FAXC: variants seen among roughly 807,000 people sequenced by gnomAD.
FAXC encodes failed axon connections homolog.
A neutral mutation model predicts 41.9 loss-of-function variants in FAXC; 10 were observed. The ratio of observed to expected loss-of-function variants is 0.24; its 90% confidence interval spans 0.15 to 0.41. The LOEUF (loss-of-function observed/expected upper bound fraction) is 0.41, where lower values mean the gene tolerates loss of function less well. Ranked by LOEUF, FAXC falls within the 10% of genes least tolerant of loss-of-function variation. The probability of loss-of-function intolerance (pLI) is 1.00; values close to 1 mark genes in which losing one functional copy is unlikely to be tolerated. For missense variants in FAXC, 399 were observed against 510.9 expected (o/e 0.78, Z 2.11); for synonymous variants, 183 against 183.8 (o/e 1.00, Z 0.03).
At chr6:99,285,698 G>A (rs1771005876) in intron 5 of FAXC, among the ~76,000 whole-genome samples, 1 of 152,138 alleles carries the variant, frequency 6.6e-6, no homozygotes, top group Non-Finnish European at 1.5e-5. Context: ...AAGAAACAAA[G>A]TGATATTCTC....
intron 2 of FAXC, among the ~76,000 whole-genome samples, chr6:99,339,730 T>C (rs72917312): frequency 0.12 from 17,649 of 151,748 alleles, 1,589 homozygotes; most frequent in East Asian, 0.28. Context: ...CAAACACACA[T>C]AGAGCAATGC....
intron 5 of FAXC, among the ~76,000 whole-genome samples, chr6:99,288,859 T>TACACACACACACACACACACACACACAC (rs55895848): frequency 7.5e-5 from 11 of 145,852 alleles, no homozygotes; most frequent in East Asian, 6.1e-4. Context: ...CACACACACA[T>TACACACACACACACACACACACACACAC]ACACACACAC....
At chr6:99,344,465 C>G (rs1017928806) in intron 1 of FAXC, among the ~76,000 whole-genome samples, 1 of 152,150 alleles carries the variant, frequency 6.6e-6, no homozygotes, top group Non-Finnish European at 1.5e-5. Context: ...TTTGTATCTT[C>G]ATCACATGGA....
At chr6:99,309,272 C>T (rs906591207) in intron 4 of FAXC, among the ~76,000 whole-genome samples, 1 of 151,728 alleles carries the variant, frequency 6.6e-6, no homozygotes, top group South Asian at 2.1e-4. Context: ...AGCACAAAGT[C>T]AAAGTCGCTT....
In FAXC at chr6:99,279,344, A is replaced by C. The variant is rs1443914787; in HGVS notation, c.*1820T>G. ...TATCTCAGCACGTATTCCCAGTTAC[A>C]TATGCCCTACACAATTGCTTAAGTG... On this transcript the variant is annotated 3_prime_UTR_variant, in exon 6 of 6. Transcript: ENST00000389677. 6.6e-6 allele frequency: 1 copy of C among 152,146 alleles called. No individual in the cohort carries two copies. The highest frequency in any genetic ancestry group is 1.5e-5 in the Non-Finnish European group (1 of 68,028). The allele number at this position is 152,146 out of a possible 1,614,324, so 9.4% of individuals were successfully genotyped here.
intron 1 of FAXC, among the ~76,000 whole-genome samples, chr6:99,345,016 AT>A (rs1167735287): frequency 6.6e-6 from 1 of 152,190 alleles, no homozygotes; most frequent in Non-Finnish European, 1.5e-5. Flanking sequence ...TACAGTTTAA[AT>A]TTGGGATATC....
At chr6:99,332,692 T>C (rs564048423) in intron 3 of FAXC, among the ~76,000 whole-genome samples, 1 of 152,220 alleles carries the variant, frequency 6.6e-6, no homozygotes, top group South Asian at 2.1e-4. Context: ...AGGAGTAGTA[T>C]GCTTTACTTC....
At chr6:99,316,645 T>C (rs1467304116) in intron 4 of FAXC, among the ~76,000 whole-genome samples, 2 of 152,200 alleles carry the variant, frequency 1.3e-5, no homozygotes, top group Non-Finnish European at 2.9e-5. Context: ...CACTGCTTCA[T>C]GGTATAGGCT....
intron 2 of FAXC, among the ~76,000 whole-genome samples, chr6:99,333,806 A>G (rs1358028930): frequency 6.6e-6 from 1 of 152,158 alleles, no homozygotes; most frequent in Non-Finnish European, 1.5e-5. Flanking sequence ...AGGAAAAAAA[A>G]GACCCCAGGG....
chr6:99,340,761 C>T (rs756129026), intron 2 of FAXC, among the ~76,000 whole-genome samples: 3 of 147,678 alleles, frequency 2.0e-5, no homozygotes, highest in Admixed American at 6.9e-5. Context: ...CTCTGCCTCC[C>T]GGGTCCAAGT....
At chr6:99,293,086 C>T (rs1432861834) in intron 4 of FAXC, among the ~76,000 whole-genome samples, 1 of 152,230 alleles carries the variant, frequency 6.6e-6, no homozygotes, top group African/African-American at 2.4e-5. Flanking sequence ...GGAATACAGG[C>T]ATGAGCCACT....
rs55827992 is a variant in FAXC at position 99,293,665 on chromosome 6, A to AGTGTGTGTGTGT, written c.824-1857_824-1846dup. Among the ~76,000 whole-genome samples, 319 of 123,250 alleles carry AGTGTGTGTGTGT rather than the reference A, an allele frequency of 2.6e-3. 4 individuals carry two copies. The highest frequency in any genetic ancestry group is 3.6e-3 in the Admixed American group (45 of 12,456). 80.9% of individuals were successfully genotyped at this position (123,250 alleles called of 152,430 possible). A position where few individuals can be genotyped will look rare whatever the true frequency, so the allele number is the denominator to read the frequency against. On this transcript the variant is annotated intron_variant, in intron 4 of 5. Transcript: ENST00000389677. ...ATTTTTCCCATAATGCTCTATACAC[A>AGTGTGTGTGTGT]GTGTGTGTGTGTGTGTGTGTGTGTG...
At chr6:99,344,130 A>C (rs947405873) in intron 1 of FAXC, among the ~76,000 whole-genome samples, 2 of 152,152 alleles carry the variant, frequency 1.3e-5, no homozygotes, top group African/African-American at 4.8e-5. Context: ...GGACAGTACC[A>C]ATTCTGTATG....
rs929334354 is a variant in FAXC at position 99,271,553 on chromosome 6, C to T, written c.*9611G>A. Reference sequence around the variant, plus strand: ...TAACATGACACTCAAAGGAAACGGACATTGGATCATTTCAGATTTCCAGTT... The same window carrying T: ...TAACATGACACTCAAAGGAAACGGATATTGGATCATTTCAGATTTCCAGTT... On this transcript the variant is annotated 3_prime_UTR_variant, in exon 6 of 6. Coordinates refer to ENST00000389677, the MANE Select transcript of FAXC (RefSeq NM_032511.4). 1 of 152,188 alleles carries T rather than the reference C, an allele frequency of 6.6e-6. No individual in the cohort carries two copies. Among genetic ancestry groups the T allele is most frequent in the Non-Finnish European group, 1.5e-5 (1 of 68,038 alleles). 9.4% of individuals were successfully genotyped at this position (152,188 alleles called of 1,614,324 possible). A position where few individuals can be genotyped will look rare whatever the true frequency, so the allele number is the denominator to read the frequency against.
intron 4 of FAXC, among the ~76,000 whole-genome samples, chr6:99,313,658 T>C (rs1214472790): frequency 6.6e-6 from 1 of 152,258 alleles, no homozygotes; most frequent in African/African-American, 2.4e-5. Context: ...CATATTTTAT[T>C]CTGGCACCTT....
chr6:99,309,972 A>G, intron 4 of FAXC: 1 of 912,296 alleles, frequency 1.1e-6, no homozygotes, highest in South Asian at 5.0e-5. Context: ...AAGCACTGTC[A>G]TTTGCTGAGT....
intron 2 of FAXC, among the ~76,000 whole-genome samples, chr6:99,335,400 C>T (rs1483074859): frequency 6.6e-6 from 1 of 152,248 alleles, no homozygotes; most frequent in East Asian, 1.9e-4. Context: ...TCCTACGTAA[C>T]TGTTGGACAT....
chr6:99,288,647 C>G (rs145072729), intron 5 of FAXC, among the ~76,000 whole-genome samples: 55 of 152,250 alleles, frequency 3.6e-4, no homozygotes, highest in African/African-American at 1.2e-3. Context: ...TCATAATGAC[C>G]ATTTAGGAAA....
intron 3 of FAXC, among the ~76,000 whole-genome samples, chr6:99,325,150 C>T (rs1412440009): frequency 1.3e-5 from 2 of 150,958 alleles, no homozygotes; most frequent in East Asian, 3.9e-4. Flanking sequence ...TGAGAGAGAA[C>T]TCAAGGAATG....
Sources: gnomAD v4.1 joint callset for allele counts (sites outside exome capture counted in the v4.1 genomes callset) on GRCh38, gnomAD v4.1.1 for gene constraint, MANE v1.5 for transcripts, NCBI Gene and HGNC (gene_info 2026-07-23, HGNC 2026-07-21) for gene names.